Variants in NEDD9 observed in about 807,000 individuals in gnomAD.
NEDD9 encodes the protein enhancer of filamentation 1.
A neutral mutation model predicts 76.6 loss-of-function variants in NEDD9; 26 were observed. That is an observed-to-expected ratio of 0.34 (90% CI 0.25 to 0.47). The LOEUF (loss-of-function observed/expected upper bound fraction) is 0.47, where lower values mean the gene tolerates loss of function less well. Ranked by LOEUF, NEDD9 falls within the 20% of genes least tolerant of loss-of-function variation. NEDD9 has a pLI of 1.00. For missense variants in NEDD9, 937 were observed against 1,058.5 expected (o/e 0.89, Z 1.59); for synonymous variants, 392 against 414.2 (o/e 0.95, Z 0.65).
At chr6:11,254,274 C>T (rs958656867) in intron 3 of NEDD9, among the ~76,000 whole-genome samples, 7 of 152,030 alleles carry the variant, frequency 4.6e-5, no homozygotes, top group African/African-American at 1.7e-4. Context: ...GTGTGTGCCA[C>T]CATGCCCGGC....
At chr6:11,246,714 T>TCC (rs1759819732) in intron 3 of NEDD9, among the ~76,000 whole-genome samples, 5 of 152,176 alleles carry the variant, frequency 3.3e-5, no homozygotes, top group Admixed American at 2.6e-4. Flanking sequence ...CGGGAAACTC[T>TCC]CCCTCTCCCT....
At chr6:11,259,187 T>G (rs1450020885) in intron 3 of NEDD9, 1 of 152,182 alleles carries the variant, frequency 6.6e-6, no homozygotes, top group African/African-American at 2.4e-5. Flanking sequence ...CTGATAACCT[T>G]GCAGGGAGTG....
chr6:11,185,563 C>T lies in NEDD9; in HGVS notation c.2104G>A (p.Ala702Thr), dbSNP rs201076362. 3.1e-6 allele frequency: 5 copies of T among 1,614,200 alleles called. No homozygotes were observed. Among genetic ancestry groups the T allele is most frequent in the Non-Finnish European group, 3.4e-6 (4 of 1,180,034 alleles). The change falls in exon 7 of 7, where the codon GCT becomes ACT. Residue 702 changes from alanine (A) to threonine (T), a missense_variant. Ala to Thr is a moderately conservative substitution (Grantham distance 58). Coordinates refer to ENST00000379446, the MANE Select transcript of NEDD9 (RefSeq NM_006403.4). Reference protein sequence around the residue: ...SLPTTNSGVSAQDRQLLCFYY... With the variant: ...SLPTTNSGVSTQDRQLLCFYY... ...AAGCACAGCAACTGCCGATCCTGAG[C>T]ACTCACGCCACTGTTTGTGGTGGGT...
intron 2 of NEDD9, among the ~76,000 whole-genome samples, chr6:11,333,747 C>T (rs1377091992): frequency 2.6e-5 from 4 of 152,246 alleles, no homozygotes; most frequent in Admixed American, 2.6e-4. Flanking sequence ...TCTACCACAT[C>T]CTTTGAGGAT....
In NEDD9 at chr6:11,339,343, T is replaced by C. The variant is rs370712717; in HGVS notation, c.-213-4782A>G. On this transcript the variant is annotated intron_variant, in intron 1 of 3. Transcript: ENST00000397378. The stretch of plus-strand genomic sequence containing the variant: ...TAAAATACATTCTCAGCTGACTTTC[T>C]CAATCAAAACAAACAGCATTTCCAA... Among the ~76,000 whole-genome samples, 17 of 152,316 alleles carry C rather than the reference T, an allele frequency of 1.1e-4. No homozygotes were observed. The South Asian group carries it at 1.4e-3, about 13-fold the overall frequency.
At chr6:11,229,791 T>C (rs1176047368) in intron 1 of NEDD9, among the ~76,000 whole-genome samples, 1 of 152,182 alleles carries the variant, frequency 6.6e-6, no homozygotes, top group African/African-American at 2.4e-5. Context: ...ATTAGATAAG[T>C]GCTAACCAGA....
chr6:11,380,553 G>A (rs553622842), intron 1 of NEDD9, among the ~76,000 whole-genome samples: 1 of 152,356 alleles, frequency 6.6e-6, no homozygotes, highest in Admixed American at 6.5e-5. Context: ...AAAGACTCAG[G>A]TTGTCAGCAG....
intron 1 of NEDD9, among the ~76,000 whole-genome samples, chr6:11,356,378 C>A (rs989803822): frequency 2.6e-5 from 4 of 152,204 alleles, no homozygotes; most frequent in Non-Finnish European, 4.4e-5. Flanking sequence ...TTTACAAAAT[C>A]TTTGCAGGTG....
intron 2 of NEDD9, among the ~76,000 whole-genome samples, chr6:11,316,288 G>A (rs572867275): frequency 7.2e-5 from 11 of 152,304 alleles, no homozygotes; most frequent in South Asian, 2.1e-4. Context: ...TTTGCTTTGA[G>A]GAAAGTCAGG....
chr6:11,287,100 G>A (rs764117316), intron 3 of NEDD9, among the ~76,000 whole-genome samples: 3 of 152,078 alleles, frequency 2.0e-5, no homozygotes, highest in Non-Finnish European at 4.4e-5. Flanking sequence ...GTAGTTTATC[G>A]TATGTCAGTT....
intron 1 of NEDD9, among the ~76,000 whole-genome samples, chr6:11,372,587 T>C (rs965539936): frequency 6.6e-6 from 1 of 152,210 alleles, no homozygotes; most frequent in Non-Finnish European, 1.5e-5. Context: ...TTCTCCACAG[T>C]GGTTATACTA....
At chr6:11,204,652 G>A (rs527571412) in intron 2 of NEDD9, among the ~76,000 whole-genome samples, 185 of 148,556 alleles carry the variant, frequency 1.2e-3, no homozygotes, top group Non-Finnish European at 1.7e-3. Flanking sequence ...CCCAGGAGGC[G>A]GAGGTTGTGG....
intron 2 of NEDD9, chr6:11,199,197 G>A (rs1758365288): frequency 6.6e-6 from 1 of 152,210 alleles, no homozygotes; most frequent in South Asian, 2.1e-4. Flanking sequence ...ATGTGTGATA[G>A]GCTCGTTTAT....
At chr6:11,225,003 G>C (rs1759263327) in intron 1 of NEDD9, among the ~76,000 whole-genome samples, 1 of 152,180 alleles carries the variant, frequency 6.6e-6, no homozygotes, top group Non-Finnish European at 1.5e-5. Flanking sequence ...AATGCCTTAA[G>C]AAGTAGACAG....
chr6:11,314,626 CTA>C (rs1286567347), intron 2 of NEDD9, among the ~76,000 whole-genome samples: 1 of 152,148 alleles, frequency 6.6e-6, no homozygotes, highest in Non-Finnish European at 1.5e-5. Flanking sequence ...ACCATCCAGT[CTA>C]TGTTTTTTCT....
Position 11,241,416 on chromosome 6 carries a change from C to A in NEDD9, c.13-27689G>T, listed in dbSNP as rs942575628. 1.3e-5 allele frequency among the ~76,000 whole-genome samples: 2 copies of A among 152,104 alleles called. No individual in the cohort carries two copies. Among genetic ancestry groups the A allele is most frequent in the African/African-American group, 4.8e-5 (2 of 41,416 alleles). On this transcript the variant is annotated intron_variant, in intron 3 of 3. Coordinates refer to the NEDD9 transcript ENST00000397378. The surrounding 1 kb of genome is among the most constrained non-coding windows in gnomAD (Gnocchi z 4.0). ...ATGTGATATGATGCGACTTTGTAGCCCTCTTCCCCTCTCCACGTCTTGCTA... is the reference window on the plus strand; with the variant it reads ...ATGTGATATGATGCGACTTTGTAGCACTCTTCCCCTCTCCACGTCTTGCTA...
At chr6:11,275,498 C>T (rs939567002) in intron 3 of NEDD9, among the ~76,000 whole-genome samples, 8 of 152,048 alleles carry the variant, frequency 5.3e-5, no homozygotes, top group African/African-American at 1.9e-4. Flanking sequence ...TCATGCTGTA[C>T]ATCATAAAAT....
chr6:11,374,900 T>A (rs374379862), intron 1 of NEDD9, among the ~76,000 whole-genome samples: 1 of 151,700 alleles, frequency 6.6e-6, no homozygotes, highest in African/African-American at 2.4e-5. Flanking sequence ...AGGAAGATTC[T>A]TTTTTTTCTT....
chr6:11,270,558 C>T (rs1293470347), intron 3 of NEDD9, among the ~76,000 whole-genome samples: 4 of 152,144 alleles, frequency 2.6e-5, no homozygotes, highest in Admixed American at 6.5e-5. Flanking sequence ...CCTCCAATGA[C>T]GTAGTCGTGA....
Sources: gnomAD v4.1 joint callset for allele counts (sites outside exome capture counted in the v4.1 genomes callset) on GRCh38, gnomAD v4.1.1 for gene constraint, Gnocchi (gnomAD v3.1) non-coding constraint, MANE v1.5 for transcripts, NCBI Gene and HGNC (gene_info 2026-07-23, HGNC 2026-07-21) for gene names.